The following RNF212B variants were observed in gnomAD, a reference collection of about 807,000 sequenced individuals.
RNF212B encodes the protein ring finger protein 212B, also known as E3 ubiquitin-protein ligase RNF212B.
A neutral mutation model predicts 55.5 loss-of-function variants in RNF212B; 52 were observed. That is an observed-to-expected ratio of 0.94 (90% CI 0.75 to 1.18). RNF212B has a LOEUF of 1.18. Among genes scored for constraint, RNF212B ranks in the 50% most tolerant of loss-of-function variants. The pLI is 0.00. For synonymous variants in RNF212B, 99 were observed against 121.4 expected, an observed-to-expected ratio of 0.82 and a Z score of 1.21; for missense variants, 289 against 350.4, an observed-to-expected ratio of 0.82 and a Z score of 1.40.
intron 2 of RNF212B, among the ~76,000 whole-genome samples, chr14:23,197,663 G>A (rs1284636773): frequency 6.6e-6 from 1 of 151,576 alleles, no homozygotes; most frequent in Non-Finnish European, 1.5e-5. Flanking sequence ...TTCCCCAAAG[G>A]AGAGAGAATA....
intron 2 of RNF212B, among the ~76,000 whole-genome samples, chr14:23,227,711 C>T (rs756677917): frequency 6.6e-5 from 10 of 151,892 alleles, no homozygotes; most frequent in Non-Finnish European, 1.3e-4. Context: ...GAGATTCTCC[C>T]ACCTCAACCT....
At chr14:23,233,212 G>T (rs1318485055), upstream of RNF212B, among the ~76,000 whole-genome samples, 1 of 152,122 alleles carries the variant, frequency 6.6e-6, no homozygotes, top group Non-Finnish European at 1.5e-5. Context: ...AAGGCAGCAT[G>T]CTGGTTAAGA....
At chr14:23,253,775 C>T (rs548277497) in intron 4 of RNF212B, among the ~76,000 whole-genome samples, 7 of 152,060 alleles carry the variant, frequency 4.6e-5, no homozygotes, top group Non-Finnish European at 1.0e-4. Flanking sequence ...TTCAAAAATA[C>T]TAAGACTTGC....
chr14:23,269,509 A>C (rs1358490940), intron 12 of RNF212B, among the ~76,000 whole-genome samples: 3 of 152,014 alleles, frequency 2.0e-5, no homozygotes, highest in African/African-American at 4.8e-5. Flanking sequence ...AGGTGGGAGG[A>C]TTGCTTAAGC....
intron 2 of RNF212B, among the ~76,000 whole-genome samples, chr14:23,199,450 T>A (rs1879064920): frequency 6.6e-6 from 1 of 152,226 alleles, no homozygotes; most frequent in Non-Finnish European, 1.5e-5. Context: ...AGCTTTGCCC[T>A]AAGCAGTTCC....
intron 2 of RNF212B, among the ~76,000 whole-genome samples, chr14:23,214,184 A>T (rs953825475): frequency 6.6e-6 from 1 of 152,232 alleles, no homozygotes; most frequent in African/African-American, 2.4e-5. Context: ...GTCTCAGCAA[A>T]GAAATAGAAG....
intron 2 of RNF212B, among the ~76,000 whole-genome samples, chr14:23,223,205 T>A (rs191431418): frequency 9.2e-5 from 14 of 152,278 alleles, no homozygotes; most frequent in Non-Finnish European, 4.4e-5. Context: ...TTTCAATTGA[T>A]GCTGAAATAG....
intron 2 of RNF212B, among the ~76,000 whole-genome samples, chr14:23,193,780 A>G (rs1594856582): frequency 6.6e-6 from 1 of 151,726 alleles, no homozygotes; most frequent in Non-Finnish European, 1.5e-5. Flanking sequence ...ATGGAAAGAG[A>G]AGAAGAGTGG....
intron 2 of RNF212B, among the ~76,000 whole-genome samples, chr14:23,217,255 T>TTG (rs1484446323): frequency 8.4e-5 from 2 of 23,932 alleles, no homozygotes; most frequent in African/African-American, 1.8e-4. Context: ...GTGGCAGTGG[T>TTG]GGGGGGGGGG....
chr14:23,242,349 C>T (rs1370082602), intron 2 of RNF212B, among the ~76,000 whole-genome samples: 1 of 152,106 alleles, frequency 6.6e-6, no homozygotes, highest in Non-Finnish European at 1.5e-5. Context: ...AGTCCCACTA[C>T]TAAAATTTCA....
chr14:23,259,202 C>CA (rs75616952), intron 5 of RNF212B, among the ~76,000 whole-genome samples: 12 of 149,812 alleles, frequency 8.0e-5, no homozygotes, highest in Non-Finnish European at 1.3e-4. Context: ...AAAACAAAAA[C>CA]AAAAAAAAAC....
At chr14:23,223,634 C>A (rs113642577) in intron 2 of RNF212B, among the ~76,000 whole-genome samples, 1 of 152,270 alleles carries the variant, frequency 6.6e-6, no homozygotes, top group African/African-American at 2.4e-5. Flanking sequence ...GGATTACAGG[C>A]GTGAGCCACC....
Position 23,258,553 on chromosome 14 carries a change from G to A in RNF212B, c.233G>A (p.Trp78Ter). 2.0e-6 allele frequency: 3 copies of A among 1,504,470 alleles called. No individual in the cohort carries two copies. Among genetic ancestry groups the A allele is most frequent in the Non-Finnish European group, 2.7e-6 (3 of 1,115,440 alleles). 93.2% of individuals were successfully genotyped at this position (1,504,470 alleles called of 1,614,324 possible). ...LQYFSHISQV[W>*]SFQKKQTDLL... Reference sequence around the variant, plus strand: ...AGGCTTGTTTTTCCCTAGTAGGTGTGGAGTTTCCAGAAGAAACAAACAGAT... The same window carrying A: ...AGGCTTGTTTTTCCCTAGTAGGTGTAGAGTTTCCAGAAGAAACAAACAGAT... The change falls in exon 5 of 15, where the codon TGG becomes TAG. Residue 78 changes from tryptophan (W) to a stop codon, truncating the protein, a stop_gained. Coordinates refer to ENST00000430154, the MANE Select transcript of RNF212B (RefSeq NM_001282322.3). LOFTEE classifies it high-confidence loss of function.
At chr14:23,269,110 G>GCC in intron 12 of RNF212B, 147 bp downstream of exon 12, 2 of 616,932 alleles carry the variant, frequency 3.2e-6, no homozygotes, top group South Asian at 2.0e-5. Flanking sequence ...TTTGAGACCA[G>GCC]TATGGCCAAC....
At chr14:23,264,545 G>A in intron 10 of RNF212B, 78 bp from the exon 11 acceptor site, 1 of 994,988 alleles carries the variant, frequency 1.0e-6, no homozygotes, top group Non-Finnish European at 1.4e-6. Flanking sequence ...TGAATGTGTA[G>A]CTATAGATAA....
At chr14:23,214,772 GA>G (rs1404462928) in intron 2 of RNF212B, among the ~76,000 whole-genome samples, 1 of 151,310 alleles carries the variant, frequency 6.6e-6, no homozygotes, top group Non-Finnish European at 1.5e-5. Context: ...CCCAGAAAAA[GA>G]GGAGAAAAAG....
At chr14:23,199,267 T>C (rs1327707623) in intron 2 of RNF212B, among the ~76,000 whole-genome samples, 1 of 152,140 alleles carries the variant, frequency 6.6e-6, no homozygotes, top group Non-Finnish European at 1.5e-5. Flanking sequence ...AGTACATTGG[T>C]TCAGTCTGGA....
Position 23,229,365 on chromosome 14 carries a change from T to C in RNF212B, c.-1-10980T>C, listed in dbSNP as rs1361180365. ...AGGAATATTGGTGTACACATATCTG[T>C]TTGAGCCCCTGTTTTAAATTATTTT... On this transcript the variant is annotated intron_variant, in intron 2 of 15. Transcript: ENST00000399910. 1.3e-4 allele frequency among the ~76,000 whole-genome samples: 20 copies of C among 150,948 alleles called. No homozygotes were observed. In the East Asian group the frequency reaches 3.9e-3, roughly 29 times the overall value.
chr14:23,200,989 A>G (rs1438486460), intron 2 of RNF212B, among the ~76,000 whole-genome samples: 1 of 152,228 alleles, frequency 6.6e-6, no homozygotes, highest in Non-Finnish European at 1.5e-5. Context: ...ATATGCTCCA[A>G]ATTTTGTTCA....
Sources: allele counts gnomAD v4.1 joint callset (sites outside exome capture counted in the v4.1 genomes callset), GRCh38; gene constraint gnomAD v4.1.1; transcripts MANE v1.5; gene names NCBI Gene and HGNC (gene_info 2026-07-23, HGNC 2026-07-21).